The following SLC71A2 variants were observed in gnomAD, a reference collection of about 807,000 sequenced individuals.
The protein encoded by SLC71A2 is hippocampus abundant transcript-like 1.
the SLC71A2 span, among the ~76,000 whole-genome samples, chr9:94,450,625 G>A: frequency 3.3e-5 from 5 of 151,652 alleles, no homozygotes; most frequent in Admixed American, 3.3e-4. Flanking sequence ...GAGTAGCTGG[G>A]ATTACAGGCA....
the SLC71A2 span, among the ~76,000 whole-genome samples, chr9:94,423,083 C>T: frequency 2.7e-4 from 41 of 150,198 alleles, no homozygotes; most frequent in Middle Eastern, 6.9e-3. Flanking sequence ...AATACAGGCG[C>T]GTGCCACCAA....
chr9:94,435,914 G>A, the SLC71A2 span, among the ~76,000 whole-genome samples: 3 of 152,148 alleles, frequency 2.0e-5, no homozygotes, highest in Admixed American at 6.5e-5. Flanking sequence ...ACCTCCCAGA[G>A]TGCTGGGATT....
At chr9:94,442,894 G>A in the SLC71A2 span, among the ~76,000 whole-genome samples, 1 of 149,984 alleles carries the variant, frequency 6.7e-6, no homozygotes, top group African/African-American at 2.5e-5. Flanking sequence ...ACCTCCCCCC[G>A]CCCTGCCAAA....
the SLC71A2 span, among the ~76,000 whole-genome samples, chr9:94,414,576 C>G: frequency 6.6e-6 from 1 of 152,156 alleles, no homozygotes; most frequent in Non-Finnish European, 1.5e-5. Flanking sequence ...GCAGTCAGAT[C>G]TTGGAAACTT....
At chr9:94,455,653 CT>C in the SLC71A2 span, among the ~76,000 whole-genome samples, 25 of 152,096 alleles carry the variant, frequency 1.6e-4, no homozygotes, top group Non-Finnish European at 3.2e-4. Context: ...TGAGGTTTTT[CT>C]TTTTCAGTAA....
chr9:94,406,790 T>C, the SLC71A2 span, among the ~76,000 whole-genome samples: 1 of 152,176 alleles, frequency 6.6e-6, no homozygotes, highest in Non-Finnish European at 1.5e-5. Context: ...TTATTAGTTG[T>C]AACAGGTTTT....
At chr9:94,439,309 A>AT in the SLC71A2 span, among the ~76,000 whole-genome samples, 27,258 of 146,260 alleles carry the variant, frequency 0.19, 3,234 homozygotes, top group Non-Finnish European at 0.27. Flanking sequence ...GCGCAGCCCA[A>AT]TTTTTTTTTT....
At chr9:94,417,363 C>T in the SLC71A2 span, among the ~76,000 whole-genome samples, 1 of 152,198 alleles carries the variant, frequency 6.6e-6, no homozygotes, top group Admixed American at 6.5e-5. Context: ...CGCGGAGGCT[C>T]ACGCCTGTAA....
the SLC71A2 span, among the ~76,000 whole-genome samples, chr9:94,444,392 TTC>T: frequency 6.6e-6 from 1 of 152,156 alleles, no homozygotes; most frequent in Non-Finnish European, 1.5e-5. Context: ...CCTCAACAAA[TTC>T]TTTGTTGTTG....
chr9:94,385,183 T>C, the SLC71A2 span, among the ~76,000 whole-genome samples: 1 of 152,214 alleles, frequency 6.6e-6, no homozygotes, highest in Non-Finnish European at 1.5e-5. Flanking sequence ...ATTCCATAGG[T>C]TACCTTTTAA....
chr9:94,388,930 C>T, the SLC71A2 span, among the ~76,000 whole-genome samples: 2 of 152,164 alleles, frequency 1.3e-5, no homozygotes, highest in Non-Finnish European at 2.9e-5. Flanking sequence ...TGGGTTGCCT[C>T]AAGCTCTTTC....
the SLC71A2 span, among the ~76,000 whole-genome samples, chr9:94,396,717 C>T: frequency 3.3e-5 from 5 of 152,176 alleles, no homozygotes; most frequent in African/African-American, 1.2e-4. Flanking sequence ...TAAAAATAAG[C>T]AGTGGACTAG....
chr9:94,459,303 A>G, the SLC71A2 span: 7 of 1,614,182 alleles, frequency 4.3e-6, no homozygotes, highest in South Asian at 7.7e-5. Flanking sequence ...AGCCTGACCA[A>G]CACCCCAGAA....
At chr9:94,392,795 G>A in the SLC71A2 span, among the ~76,000 whole-genome samples, 3 of 151,902 alleles carry the variant, frequency 2.0e-5, no homozygotes, top group East Asian at 1.9e-4. Context: ...CACCACACCC[G>A]GCTTAAAAGC....
chr9:94,406,172 A>G, the SLC71A2 span, among the ~76,000 whole-genome samples: 10 of 142,774 alleles, frequency 7.0e-5, no homozygotes, highest in African/African-American at 2.6e-4. Context: ...GTTTCAAGTG[A>G]TCCTCCCACC....
chr9:94,426,405 G>A, the SLC71A2 span, among the ~76,000 whole-genome samples: 1 of 151,922 alleles, frequency 6.6e-6, no homozygotes, highest in Non-Finnish European at 1.5e-5. Flanking sequence ...TTTCTTTCTG[G>A]GTTCTGGAAA....
the SLC71A2 span, among the ~76,000 whole-genome samples, chr9:94,398,305 A>G: frequency 6.6e-6 from 1 of 150,868 alleles, no homozygotes; most frequent in Admixed American, 6.6e-5. Context: ...TGAGATGCAG[A>G]TGAACTGGGG....
At chr9:94,414,343 G>A in the SLC71A2 span, among the ~76,000 whole-genome samples, 6 of 152,184 alleles carry the variant, frequency 3.9e-5, no homozygotes, top group African/African-American at 1.4e-4. Flanking sequence ...TGATAAATAA[G>A]AGGGTGCAAA....
At chr9:94,428,899 CAT>C in the SLC71A2 span, among the ~76,000 whole-genome samples, 1 of 151,438 alleles carries the variant, frequency 6.6e-6, no homozygotes, top group Non-Finnish European at 1.5e-5. Context: ...TCCAGAATGT[CAT>C]ATACTTGGAA....
Sources: allele counts gnomAD v4.1 joint callset (sites outside exome capture counted in the v4.1 genomes callset), GRCh38; gene constraint gnomAD v4.1.1; transcripts MANE v1.5; gene names NCBI Gene and HGNC (gene_info 2026-07-23, HGNC 2026-07-21).